Variants in UBE2V1 observed in about 807,000 individuals in gnomAD.
UBE2V1 encodes the protein ubiquitin-conjugating enzyme E2 variant 1.
UBE2V1 carries 15 observed loss-of-function variants against 19.6 expected under a neutral mutation model. The observed-to-expected ratio is 0.77, with a 90% CI of 0.51 to 1.18. The LOEUF (loss-of-function observed/expected upper bound fraction) is 1.18, where lower values mean the gene tolerates loss of function less well. UBE2V1 is among the 50% of genes most tolerant of loss of function. The pLI is 0.00. For missense variants in UBE2V1, 125 were observed against 184.8 expected, an observed-to-expected ratio of 0.68 and a Z score of 1.88; for synonymous variants, 60 against 60.7, an observed-to-expected ratio of 0.99 and a Z score of 0.05.
chr20:50,090,473 CAAAAA>C (rs34134046), intron 2 of UBE2V1, among the ~76,000 whole-genome samples: 3 of 96,744 alleles, frequency 3.1e-5, no homozygotes. Context: ...GACTCTGTCT[CAAAAA>C]AAAAAAAAAA....
chr20:50,096,445 T>A lies in UBE2V1; in HGVS notation c.171+227A>T. ...ACACCTCACTGTCTACATTGTCATA[T>A]AAATTCACACTATGAGTCTAAACAG... On this transcript the variant is annotated intron_variant, in intron 2 of 3. Transcript: ENST00000371674. 5 of 1,121,444 alleles carry A rather than the reference T, an allele frequency of 4.5e-6. No individual in the cohort carries two copies. In the South Asian group the frequency reaches 7.2e-5, roughly 16 times the overall value. The allele number at this position is 1,121,444 out of a possible 1,614,324, so 69.5% of individuals were successfully genotyped here. A position where few individuals can be genotyped will look rare whatever the true frequency, so the allele number is the denominator to read the frequency against.
chr20:50,113,056 C>T (rs1454050631), intron 1 of UBE2V1, 51 bp downstream of exon 1: 1 of 837,222 alleles, frequency 1.2e-6, no homozygotes, highest in Non-Finnish European at 1.7e-6. Flanking sequence ...CCCCGGCCCC[C>T]GGCCCAAGCC....
intron 1 of UBE2V1, among the ~76,000 whole-genome samples, chr20:50,105,180 T>C (rs1306905961): frequency 6.6e-6 from 1 of 152,264 alleles, no homozygotes; most frequent in African/African-American, 2.4e-5. Flanking sequence ...AGCAAGTTAC[T>C]AATATTTCAA....
intron 3 of UBE2V1, chr20:50,083,666 G>A (rs1415929504): frequency 6.5e-6 from 1 of 153,516 alleles, no homozygotes; most frequent in Admixed American, 6.5e-5. Flanking sequence ...CTCTGTTTTT[G>A]TAATATTTAC....
intron 2 of UBE2V1, among the ~76,000 whole-genome samples, chr20:50,091,203 C>T (rs990549526): frequency 1.3e-5 from 2 of 151,966 alleles, no homozygotes; most frequent in Admixed American, 6.6e-5. Context: ...TGCATCACTA[C>T]GCCCAGCTAA....
rs1268635917 is a variant in UBE2V1 at position 50,096,810 on chromosome 20, G to T, written c.33C>A (p.Val11=). 6.2e-6 allele frequency: 10 copies of T among 1,613,846 alleles called. No individual in the cohort carries two copies. Among genetic ancestry groups the T allele is most frequent in the Non-Finnish European group, 8.5e-6 (10 of 1,179,876 alleles). MAATTGSGVK[V]PRNFRLLEEL... ...CTTCCAACAGTCGGAAATTGCGAGG[G>T]ACTTTTACTCCTAAAATAAATGGAA... The change falls in exon 2 of 4, where the codon GTC becomes GTA. Residue 11 remains valine (V), a synonymous_variant. Coordinates refer to ENST00000371674, the MANE Select transcript of UBE2V1 (RefSeq NM_001032288.3).
At chr20:50,096,542 A>G (rs773756613) in intron 2 of UBE2V1, 130 bp downstream of exon 2, 2 of 1,591,110 alleles carry the variant, frequency 1.3e-6, no homozygotes, top group African/African-American at 1.3e-5. Context: ...AAACTGGTCA[A>G]AAAAGAATAG....
chr20:50,113,233 A>G (rs905843434), upstream of UBE2V1: 14 of 915,824 alleles, frequency 1.5e-5, no homozygotes, highest in East Asian at 7.1e-5. Flanking sequence ...GCCGCCGCTG[A>G]CGCCCGCCCC....
intron 1 of UBE2V1, among the ~76,000 whole-genome samples, chr20:50,105,108 A>G (rs2080272984): frequency 6.6e-6 from 1 of 152,236 alleles, no homozygotes; most frequent in Admixed American, 6.5e-5. Context: ...TCTCACCCAA[A>G]TCACATAAGT....
At position 50,104,386 on chromosome 20, in the gene UBE2V1, G is replaced by A. The variant is rs1039316192; in HGVS notation, c.23-7566C>T. ...ATAATTAACATACCTGGCTGGGCGCGGTGGCTCACGCCTATAATCCCAGCA... is the reference window on the plus strand; with the variant it reads ...ATAATTAACATACCTGGCTGGGCGCAGTGGCTCACGCCTATAATCCCAGCA... On this transcript the variant is annotated intron_variant, in intron 1 of 3. Coordinates refer to ENST00000371674, the MANE Select transcript of UBE2V1 (RefSeq NM_001032288.3). 182 of 984,128 alleles carry A rather than the reference G, an allele frequency of 1.8e-4. 1 individual carries two copies. The Admixed American group carries it at 3.8e-3, about 20-fold the overall frequency. The allele number at this position is 984,128 out of a possible 1,614,324, so 61.0% of individuals were successfully genotyped here. A position where few individuals can be genotyped will look rare whatever the true frequency, so the allele number is the denominator to read the frequency against.
chr20:50,083,724 T>C, intron 3 of UBE2V1: 1 of 154,890 alleles, frequency 6.5e-6, no homozygotes, highest in East Asian at 1.9e-4. Flanking sequence ...GTTTTTCATT[T>C]ATGGTAGTAA....
intron 2 of UBE2V1, among the ~76,000 whole-genome samples, chr20:50,086,175 C>A (rs2078901990): frequency 6.6e-6 from 1 of 152,176 alleles, no homozygotes; most frequent in Non-Finnish European, 1.5e-5. Context: ...TTTTACTCTT[C>A]TCCCTCCCCT....
chr20:50,111,633 T>G (rs2080759210), intron 1 of UBE2V1: 26 of 991,068 alleles, frequency 2.6e-5, no homozygotes, highest in Non-Finnish European at 3.0e-5. Flanking sequence ...TGTTTTAAAC[T>G]CAAAAGGCAG....
chr20:50,085,624 G>T lies in UBE2V1; in HGVS notation c.172-1370C>A, dbSNP rs140584826. 2.6e-3 allele frequency among the ~76,000 whole-genome samples: 389 copies of T among 152,240 alleles called. 2 individuals carry two copies. Among genetic ancestry groups the T allele is most frequent in the African/African-American group, 8.8e-3 (366 of 41,524 alleles). ...AGTCTTGTACTGCATAATTGCTCCC[G>T]TGTAAACAGCGGCATCTAGTGGTCT... On this transcript the variant is annotated intron_variant, in intron 2 of 3. Transcript: ENST00000371674.
At chr20:50,114,070 G>A (rs1489308222), upstream of UBE2V1, among the ~76,000 whole-genome samples, 4 of 152,132 alleles carry the variant, frequency 2.6e-5, no homozygotes, top group African/African-American at 9.7e-5. Flanking sequence ...GAGGTAGAGG[G>A]AACAGCTTGT....
At position 50,090,842 on chromosome 20, in the gene UBE2V1, T is replaced by C. The variant is rs952170461; in HGVS notation, c.171+5830A>G. 2.6e-5 allele frequency among the ~76,000 whole-genome samples: 4 copies of C among 152,230 alleles called. No homozygotes were observed. The East Asian group carries it at 7.7e-4, about 29-fold the overall frequency. On this transcript the variant is annotated intron_variant, in intron 2 of 3. Coordinates refer to ENST00000371674, the MANE Select transcript of UBE2V1 (RefSeq NM_001032288.3). ...GTAGCTACACGTGGTGATGGATGCG[T>C]TGATTAATTTGGTTGTGGTAATCAT... is the stretch of plus-strand genomic sequence containing the variant.
intron 1 of UBE2V1, among the ~76,000 whole-genome samples, chr20:50,106,109 TA>T (rs966222182): frequency 0.023 from 3,315 of 146,120 alleles, 86 homozygotes; most frequent in African/African-American, 0.061. Flanking sequence ...ATGAAAATGC[TA>T]AAAAAAAAAA....
At chr20:50,098,548 T>C (rs2079781874) in intron 1 of UBE2V1, among the ~76,000 whole-genome samples, 1 of 152,108 alleles carries the variant, frequency 6.6e-6, no homozygotes, top group Admixed American at 6.6e-5. Context: ...GTCTGAGCTG[T>C]GGAGATTTGC....
chr20:50,101,571 CAAAAAAAAAA>C (rs11481618), intron 1 of UBE2V1, among the ~76,000 whole-genome samples: 1,699 of 71,252 alleles, frequency 0.024, 47 homozygotes, highest in African/African-American at 0.078. Context: ...CATTTATAAG[CAAAAAAAAAA>C]AAAAAAAAAA....
Sources: gnomAD v4.1 joint callset for allele counts (sites outside exome capture counted in the v4.1 genomes callset) on GRCh38, gnomAD v4.1.1 for gene constraint, MANE v1.5 for transcripts, NCBI Gene and HGNC (gene_info 2026-07-23, HGNC 2026-07-21) for gene names.